ENOX1: variants seen among roughly 807,000 people sequenced by gnomAD.
The protein encoded by ENOX1 is ecto-NOX disulfide-thiol exchanger 1.
ENOX1 carries 42 observed loss-of-function variants against 82.5 expected under a neutral mutation model. The observed-to-expected ratio is 0.51, with a 90% CI of 0.40 to 0.66. The LOEUF (loss-of-function observed/expected upper bound fraction) is 0.66, where lower values mean the gene tolerates loss of function less well. ENOX1 is among the 30% of genes least tolerant of loss of function. ENOX1 has a pLI of 0.00. For synonymous variants in ENOX1, 271 were observed against 282.2 expected (o/e 0.96, Z 0.40); for missense variants, 608 against 811.6 (o/e 0.75, Z 3.05).
At chr13:43,310,197 CAAAAAAAAAAAAAA>C (rs10555409) in intron 11 of ENOX1, among the ~76,000 whole-genome samples, 3 of 82,604 alleles carry the variant, frequency 3.6e-5, no homozygotes, top group Non-Finnish European at 7.2e-5. Context: ...GATTCCATCT[CAAAAAAAAAAAAAA>C]AAAAAAAAAA....
At chr13:43,688,198 G>A (rs2086173434) in intron 1 of ENOX1, among the ~76,000 whole-genome samples, 3 of 151,922 alleles carry the variant, frequency 2.0e-5, no homozygotes, top group South Asian at 4.2e-4. Context: ...TATCATTAAC[G>A]GGAGGTTAAC....
intron 2 of ENOX1, among the ~76,000 whole-genome samples, chr13:43,503,646 C>T (rs2077053736): frequency 6.6e-6 from 1 of 151,610 alleles, no homozygotes; most frequent in South Asian, 2.1e-4. Flanking sequence ...AAAAAGTGGA[C>T]ATCCATATAC....
intron 2 of ENOX1, among the ~76,000 whole-genome samples, chr13:43,642,141 T>C (rs2083682936): frequency 6.6e-6 from 1 of 152,202 alleles, no homozygotes; most frequent in South Asian, 2.1e-4. Context: ...AATAATCAAT[T>C]CAGCCTGCAA....
chr13:43,263,942 GATAAACT>G (rs61234259), intron 14 of ENOX1, among the ~76,000 whole-genome samples: 13,307 of 152,226 alleles, frequency 0.087, 775 homozygotes, highest in Non-Finnish European at 0.13. Context: ...AGAGTGGAAA[GATAAACT>G]ATGTCTCACA....
chr13:43,412,155 C>T, intron 4 of ENOX1, 102 bp from the exon 5 acceptor site: 1 of 1,322,634 alleles, frequency 7.6e-7, no homozygotes, highest in Non-Finnish European at 1.0e-6. Flanking sequence ...TAGCACATTC[C>T]CAAACTACAA....
chr13:43,334,550 G>A (rs2048590486), intron 9 of ENOX1, among the ~76,000 whole-genome samples: 1 of 152,148 alleles, frequency 6.6e-6, no homozygotes, highest in Non-Finnish European at 1.5e-5. Flanking sequence ...GGGTGCCAAG[G>A]GAGGCCAAGA....
chr13:43,236,907 A>C (rs566631428), intron 14 of ENOX1, among the ~76,000 whole-genome samples, 169 bp from the exon 15 acceptor site: 6 of 152,252 alleles, frequency 3.9e-5, no homozygotes, highest in Non-Finnish European at 7.3e-5. Context: ...TAGAAAAGTA[A>C]TTATGTAAAG....
chr13:43,537,843 C>T (rs1479904345), intron 2 of ENOX1, among the ~76,000 whole-genome samples: 1 of 152,204 alleles, frequency 6.6e-6, no homozygotes, highest in Non-Finnish European at 1.5e-5. Flanking sequence ...TATCTGATTT[C>T]CCTGGAGTCT....
intron 1 of ENOX1, among the ~76,000 whole-genome samples, chr13:43,760,860 GA>G (rs386378983): frequency 0.018 from 2,303 of 127,268 alleles, 39 homozygotes; most frequent in African/African-American, 0.048. Flanking sequence ...CATTAAAGTG[GA>G]AAAAAAAAAA....
intron 14 of ENOX1, among the ~76,000 whole-genome samples, chr13:43,246,525 T>G (rs2043090032): frequency 6.6e-6 from 1 of 152,234 alleles, no homozygotes; most frequent in Non-Finnish European, 1.5e-5. Context: ...TAGCAGGGAC[T>G]GAGGGGGCTG....
chr13:43,774,983 G>A (rs1162914597), intron 1 of ENOX1, among the ~76,000 whole-genome samples: 1 of 151,994 alleles, frequency 6.6e-6, no homozygotes, highest in African/African-American at 2.4e-5. Flanking sequence ...AAGTACCTGG[G>A]ACTACAGGTG....
At position 43,370,322 on chromosome 13, in the gene ENOX1, G is replaced by A. The variant is rs547701034; in HGVS notation, c.209-8870C>T. Among the ~76,000 whole-genome samples the A allele has an allele frequency of 8.6e-5, 13 of 152,042 alleles. No homozygotes were observed. In the South Asian group the frequency reaches 1.5e-3, roughly 17 times the overall value. On this transcript the variant is annotated intron_variant, in intron 5 of 16. Coordinates refer to ENST00000690772, the MANE Select transcript of ENOX1 (RefSeq NM_001347969.2). ...GCGGAGCTTGTAGTGAGCCGAGATC[G>A]CGCCACTGCAGTCCAGCCTGGGCAA...
At chr13:43,360,949 T>C (rs2050462768) in intron 6 of ENOX1, among the ~76,000 whole-genome samples, 1 of 152,208 alleles carries the variant, frequency 6.6e-6, no homozygotes, top group East Asian at 1.9e-4. Context: ...TTCACCCACA[T>C]TTGTGAAGAT....
At chr13:43,287,479 C>G (rs1033847569) in intron 12 of ENOX1, among the ~76,000 whole-genome samples, 1 of 152,184 alleles carries the variant, frequency 6.6e-6, no homozygotes. Flanking sequence ...GGCACCTGGT[C>G]TCCAGGAGAA....
intron 1 of ENOX1, among the ~76,000 whole-genome samples, chr13:43,712,039 T>G (rs899489704): frequency 4.2e-4 from 64 of 151,638 alleles, no homozygotes; most frequent in Admixed American, 2.6e-3. Flanking sequence ...TTCTTCTAGG[T>G]TTTTTATGGT....
intron 5 of ENOX1, among the ~76,000 whole-genome samples, chr13:43,410,625 T>TATACACAC (rs2054067277): frequency 6.8e-6 from 1 of 146,838 alleles, no homozygotes; most frequent in African/African-American, 2.5e-5. Flanking sequence ...TACACACATG[T>TATACACAC]ACACACACAC....
intron 3 of ENOX1, among the ~76,000 whole-genome samples, chr13:43,476,385 G>A (rs9525788): frequency 0.76 from 115,999 of 151,878 alleles, 44,471 homozygotes; most frequent in East Asian, 0.98. Context: ...TTAAAAAAAA[G>A]TGCATATTTT....
At chr13:43,291,055 AT>A (rs886165495) in intron 12 of ENOX1, among the ~76,000 whole-genome samples, 4 of 152,158 alleles carry the variant, frequency 2.6e-5, no homozygotes, top group Non-Finnish European at 5.9e-5. Flanking sequence ...GTTGAAAAAA[AT>A]TTTTAAAAGC....
intron 2 of ENOX1, among the ~76,000 whole-genome samples, chr13:43,561,739 C>T (rs916262643): frequency 6.6e-6 from 1 of 151,866 alleles, no homozygotes; most frequent in Non-Finnish European, 1.5e-5. Context: ...CCTGTAATTC[C>T]AACACTTTGA....
Sources: allele counts gnomAD v4.1 joint callset (sites outside exome capture counted in the v4.1 genomes callset), GRCh38; gene constraint gnomAD v4.1.1; transcripts MANE v1.5; gene names NCBI Gene and HGNC (gene_info 2026-07-23, HGNC 2026-07-21).